Variants in ADAMDEC1 observed in about 807,000 individuals in gnomAD.
The protein encoded by ADAMDEC1 is ADAM like decysin 1, also known as ADAM DEC1.
ADAMDEC1 carries 62 observed loss-of-function variants against 60.4 expected under a neutral mutation model. The ratio of observed to expected loss-of-function variants is 1.03; its 90% CI spans 0.84 to 1.27. The LOEUF (loss-of-function observed/expected upper bound fraction) is 1.27, where lower values mean the gene tolerates loss of function less well. Among genes scored for constraint, ADAMDEC1 ranks in the 50% most tolerant of loss-of-function variants. ADAMDEC1 has a pLI of 0.00. For missense variants in ADAMDEC1, 595 were observed against 565.0 expected, an observed-to-expected ratio of 1.05 and a Z score of -0.54; for synonymous variants, 210 against 195.1, an observed-to-expected ratio of 1.08 and a Z score of -0.64.
chr8:24,396,345 C>T (rs1170885131), intron 5 of ADAMDEC1, among the ~76,000 whole-genome samples: 2 of 151,934 alleles, frequency 1.3e-5, no homozygotes, highest in Admixed American at 1.3e-4. Flanking sequence ...CCCATCTCTA[C>T]TAAAAATACA....
At chr8:24,393,239 T>C (rs1817496267) in intron 2 of ADAMDEC1, 23 bp from the exon 3 acceptor site, 1 of 1,431,648 alleles carries the variant, frequency 7.0e-7, no homozygotes, top group Non-Finnish European at 9.7e-7. Context: ...TATAAATTGC[T>C]TGATGTAATT....
At position 24,384,489 on chromosome 8, in the gene ADAMDEC1, G is replaced by A. The variant is rs924164608; in HGVS notation, c.-16G>A. Reference sequence around the variant, plus strand: ...TTGGAGAAGATAAAACTGGACACTGGGGAGACCACAACTTCATGCTGCGTG... The same window carrying A: ...TTGGAGAAGATAAAACTGGACACTGAGGAGACCACAACTTCATGCTGCGTG... On this transcript the variant is annotated 5_prime_UTR_variant, in exon 1 of 14. Transcript: ENST00000256412. 3 of 1,592,202 alleles carry A rather than the reference G, an allele frequency of 1.9e-6. No homozygotes were observed. In the East Asian group the frequency reaches 6.8e-5, roughly 36 times the overall value.
Position 24,399,404 on chromosome 8 carries a change from T to G in ADAMDEC1, c.941T>G (p.Phe314Cys). The change falls in exon 10 of 14, where the codon TTC becomes TGC. Residue 314 changes from phenylalanine to cysteine, a missense_variant. Phe to Cys is a radical substitution (Grantham distance 205). Coordinates refer to ENST00000256412, the MANE Select transcript of ADAMDEC1 (RefSeq NM_014479.3). ...DHAQLLSGIS[F>C]NNRRVGLAAS... ...AACTTTTCATACAGCGGGATTAGCT[T>G]CAACAATCGACGTGTGGGACTGGCA... 1.2e-6 allele frequency: 2 copies of G among 1,613,906 alleles called. No homozygotes were observed. Among genetic ancestry groups the G allele is most frequent in the Non-Finnish European group, 1.7e-6 (2 of 1,179,860 alleles).
Position 24,405,323 on chromosome 8 carries a change from T to C in ADAMDEC1, c.*25T>C, listed in dbSNP as rs527482133. On this transcript the variant is annotated 3_prime_UTR_variant, in exon 14 of 14. Coordinates refer to ENST00000256412, the MANE Select transcript of ADAMDEC1 (RefSeq NM_014479.3). ...AATCCAAAAGTCTGCTTCACTGAGATGCTACCTTGCCAGGACAAGAACCAA... is the reference window on the plus strand; with the variant it reads ...AATCCAAAAGTCTGCTTCACTGAGACGCTACCTTGCCAGGACAAGAACCAA... 5.6e-6 allele frequency: 9 copies of C among 1,612,294 alleles called. No individual in the cohort carries two copies. The highest frequency in any genetic ancestry group is 5.0e-5 in the Admixed American group (3 of 59,916).
At chr8:24,393,370 G>GT in intron 3 of ADAMDEC1, 32 bp downstream of exon 3, 1 of 1,422,680 alleles carries the variant, frequency 7.0e-7, no homozygotes, top group Non-Finnish European at 9.8e-7. Context: ...TCTAATCACT[G>GT]GATTAGGTTA....
chr8:24,385,636 A>G (rs1318268451), intron 1 of ADAMDEC1, among the ~76,000 whole-genome samples: 1 of 152,144 alleles, frequency 6.6e-6, no homozygotes, highest in Non-Finnish European at 1.5e-5. Context: ...TTTCTAAAAC[A>G]CACCATCCCA....
chr8:24,392,181 C>T (rs1037070455), intron 1 of ADAMDEC1, 81 bp from the exon 2 acceptor site: 20 of 1,040,744 alleles, frequency 1.9e-5, no homozygotes, highest in Non-Finnish European at 2.8e-5. Context: ...TTCAGCAACC[C>T]AAGAAATGAA....
At chr8:24,387,656 G>A (rs1170161300) in intron 1 of ADAMDEC1, 1 of 152,144 alleles carries the variant, frequency 6.6e-6, no homozygotes, top group Non-Finnish European at 1.5e-5. Context: ...TTTATATACT[G>A]TTGCTGTTGA....
rs528922378 is a variant in ADAMDEC1 at position 24,405,688 on chromosome 8, T to C, written c.*390T>C. On this transcript the variant is annotated 3_prime_UTR_variant, in exon 14 of 14. Coordinates refer to ENST00000256412, the MANE Select transcript of ADAMDEC1 (RefSeq NM_014479.3). ...TGCTTTAATGCTTCTTTCATCTTAC[T>C]AGTATGGCCTATAAAAAAAATAATA... 1 of 167,216 alleles carries C rather than the reference T, an allele frequency of 6.0e-6. No individual in the cohort carries two copies. The highest frequency in any genetic ancestry group is 1.6e-4 in the East Asian group (1 of 6,070). 10.4% of individuals were successfully genotyped at this position (167,216 alleles called of 1,614,324 possible).
intron 1 of ADAMDEC1, among the ~76,000 whole-genome samples, chr8:24,385,146 A>G (rs1408623682): frequency 6.6e-6 from 1 of 152,182 alleles, no homozygotes; most frequent in Non-Finnish European, 1.5e-5. Context: ...ACACCCTACA[A>G]ATAATTTTCA....
rs1301277174 is a variant in ADAMDEC1, at chr8:24,399,594, GA to G, written c.1011+123del. On this transcript the variant is annotated intron_variant, in intron 10 of 13. Coordinates refer to ENST00000256412, the MANE Select transcript of ADAMDEC1 (RefSeq NM_014479.3). ...TGAATCAATGAATCAAGGAAGAAATGAAACTACTGGTAGGTCATTGCACTGA... is the reference window on the plus strand; with the variant it reads ...TGAATCAATGAATCAAGGAAGAAATGAACTACTGGTAGGTCATTGCACTGA... 3.4e-6 allele frequency: 3 copies of G among 870,868 alleles called. No individual in the cohort carries two copies. The African/African-American group carries it at 5.0e-5, about 15-fold the overall frequency. The allele number at this position is 870,868 out of a possible 1,614,324, so 53.9% of individuals were successfully genotyped here.
chr8:24,394,012 G>T lies in ADAMDEC1; in HGVS notation c.285-57G>T. 3 of 1,187,246 alleles carry T rather than the reference G, an allele frequency of 2.5e-6. No homozygotes were observed. In the East Asian group the frequency reaches 7.0e-5, roughly 28 times the overall value. 73.5% of individuals were successfully genotyped at this position (1,187,246 alleles called of 1,614,324 possible). ...TCACTATTTTAGTGCTGAAGTTCAG[G>T]AAGTTCTGCCTTTCTTACCATCCTG... is the stretch of plus-strand genomic sequence containing the variant. On this transcript the variant is annotated intron_variant, in intron 3 of 13. Transcript: ENST00000256412.
chr8:24,396,616 A>G (rs1817620825), intron 5 of ADAMDEC1, among the ~76,000 whole-genome samples: 1 of 152,238 alleles, frequency 6.6e-6, no homozygotes, highest in Non-Finnish European at 1.5e-5. Flanking sequence ...ATGTGCACAT[A>G]TAGACAAATG....
intron 12 of ADAMDEC1, among the ~76,000 whole-genome samples, chr8:24,403,636 A>G (rs1001524559): frequency 6.6e-6 from 1 of 152,124 alleles, no homozygotes; most frequent in Admixed American, 6.6e-5. Flanking sequence ...CAGGAAATGT[A>G]TATATAAAGT....
At chr8:24,386,777 C>A (rs1817303747) in intron 1 of ADAMDEC1, among the ~76,000 whole-genome samples, 1 of 152,158 alleles carries the variant, frequency 6.6e-6, no homozygotes, top group Non-Finnish European at 1.5e-5. Context: ...CAATTAACAT[C>A]CTAAATTTTC....
rs148571165 is a variant in ADAMDEC1 at position 24,395,789 on chromosome 8, G to C, written c.433G>C (p.Gly145Arg). The part of the protein sequence containing the change: ...NSVASISTCD[G>R]LRGYFTHHHQ... ...TGTTGCCAGCATCAGTACTTGTGAC[G>C]GGTTGAGGTAAGAACTACCATCAAA... The change falls in exon 5 of 14, where the codon GGG becomes CGG. Residue 145 changes from glycine (G) to arginine (R), a missense_variant. Physicochemically the swap from Gly to Arg is moderately radical, Grantham distance 125 (BLOSUM62 -2). Coordinates refer to ENST00000256412, the MANE Select transcript of ADAMDEC1 (RefSeq NM_014479.3). 1 of 1,612,326 alleles carries C rather than the reference G, an allele frequency of 6.2e-7. No homozygotes were observed. Among genetic ancestry groups the C allele is most frequent in the Non-Finnish European group, 8.5e-7 (1 of 1,178,866 alleles).
rs1817497832 is a variant in ADAMDEC1 at position 24,393,286 on chromosome 8, T to C, written c.232T>C (p.Tyr78His). Residue 78 changes from tyrosine to histidine, a missense_variant, in exon 3 of 14, where the codon TAT becomes CAT. Transcript: ENST00000256412. ...GGAAAGGTATGAACCTGAAGTTCAA[T>C]ATCAGATGATCTTAAATGGAGAAGA... Reference protein sequence around the residue: ...KEERYEPEVQYQMILNGEEII... With the variant: ...KEERYEPEVQHQMILNGEEII... The C allele has an allele frequency of 7.5e-6, 12 of 1,604,726 alleles. No homozygotes were observed. The highest frequency in any genetic ancestry group is 1.0e-5 in the Non-Finnish European group (12 of 1,174,670).
chr8:24,397,633 CTT>C, intron 6 of ADAMDEC1, 48 bp from the exon 7 acceptor site: 1 of 1,561,126 alleles, frequency 6.4e-7, no homozygotes, highest in Non-Finnish European at 8.7e-7. Flanking sequence ...GCTTTGGAAT[CTT>C]TTAGGATAAA....
intron 2 of ADAMDEC1, 41 bp from the exon 3 acceptor site, chr8:24,393,221 C>T: frequency 3.2e-6 from 4 of 1,260,390 alleles, no homozygotes; most frequent in Non-Finnish European, 4.5e-6. Context: ...TTTAGTTATG[C>T]TCAGAAATAT....
Sources: allele counts gnomAD v4.1 joint callset (sites outside exome capture counted in the v4.1 genomes callset), GRCh38; gene constraint gnomAD v4.1.1; transcripts MANE v1.5; gene names NCBI Gene and HGNC (gene_info 2026-07-23, HGNC 2026-07-21).